Variants in OTOGL observed in about 807,000 individuals in gnomAD.
The protein encoded by OTOGL is otogelin-like protein.
Under a neutral mutation model 318.5 loss-of-function variants are expected in OTOGL, and 285 were observed. The observed-to-expected ratio is 0.89, with a 90% confidence interval of 0.81 to 0.99. The LOEUF is 0.99. Among genes scored for constraint, OTOGL ranks in the 50% least tolerant of loss-of-function variants. The pLI, the probability that OTOGL is intolerant of heterozygous loss-of-function variation, is 0.00. For missense variants in OTOGL, 2,899 were observed against 2,845.6 expected, an observed-to-expected ratio of 1.02 and a Z score of -0.43; for synonymous variants, 987 against 936.5, an observed-to-expected ratio of 1.05 and a Z score of -0.99.
At position 80,238,846 on chromosome 12, in the gene OTOGL, A is replaced by G; in HGVS notation, c.818-5A>G. 1 of 1,528,376 alleles carries G rather than the reference A, an allele frequency of 6.5e-7. No homozygotes were observed. The highest frequency in any genetic ancestry group is 8.7e-7 in the Non-Finnish European group (1 of 1,143,752). 94.7% of individuals were successfully genotyped at this position (1,528,376 alleles called of 1,614,324 possible). ...TGTGTGTGTGTGTGTGCCTGTGTGAAATAGAGGACTATACAGAAGACATCG... is the reference window on the plus strand; with the variant it reads ...TGTGTGTGTGTGTGTGCCTGTGTGAGATAGAGGACTATACAGAAGACATCG... On this transcript the variant is annotated splice_polypyrimidine_tract_variant and splice_region_variant and intron_variant, in intron 9 of 58. Transcript: ENST00000547103.
At chr12:80,305,334 C>G (rs1385931279) in intron 28 of OTOGL, among the ~76,000 whole-genome samples, 1 of 152,088 alleles carries the variant, frequency 6.6e-6, no homozygotes, top group Admixed American at 6.6e-5. Flanking sequence ...TGCTAAGACA[C>G]TGGTAAGTGT....
chr12:80,188,850 G>A (rs1875485818), intron 1 of OTOGL, among the ~76,000 whole-genome samples: 1 of 152,106 alleles, frequency 6.6e-6, no homozygotes, highest in Non-Finnish European at 1.5e-5. Context: ...TTTGAGTAAA[G>A]TTTCCCACAG....
At chr12:80,372,168 A>G (rs1890917248) in intron 57 of OTOGL, 104 bp downstream of exon 57, 1 of 666,462 alleles carries the variant, frequency 1.5e-6, no homozygotes, top group Non-Finnish European at 2.2e-6. Flanking sequence ...ATGCAAAGAG[A>G]GAAACAAATT....
intron 26 of OTOGL, among the ~76,000 whole-genome samples, chr12:80,287,700 C>A (rs1327437706): frequency 6.6e-6 from 1 of 152,048 alleles, no homozygotes; most frequent in African/African-American, 2.4e-5. Context: ...TCTGTTTTAT[C>A]AGAGATTAGG....
intron 9 of OTOGL, among the ~76,000 whole-genome samples, chr12:80,235,152 T>G (rs530216497): frequency 4.6e-5 from 7 of 151,966 alleles, no homozygotes; most frequent in Non-Finnish European, 1.0e-4. Context: ...CAGTTCTCTG[T>G]GGTAGAGTTA....
At chr12:80,297,710 C>T (rs528225329) in intron 27 of OTOGL, among the ~76,000 whole-genome samples, 6 of 152,260 alleles carry the variant, frequency 3.9e-5, no homozygotes, top group African/African-American at 1.4e-4. Context: ...TCCCACTGCT[C>T]CCCCAAGGCC....
intron 52 of OTOGL, among the ~76,000 whole-genome samples, chr12:80,364,952 C>A (rs1316631716): frequency 1.3e-5 from 2 of 151,958 alleles, no homozygotes; most frequent in Non-Finnish European, 2.9e-5. Context: ...ATATAAATAA[C>A]CCTCCATGTA....
At chr12:80,289,838 G>A (rs1225698713) in intron 26 of OTOGL, among the ~76,000 whole-genome samples, 5 of 152,282 alleles carry the variant, frequency 3.3e-5, no homozygotes, top group South Asian at 2.1e-4. Flanking sequence ...GGGCTCCATG[G>A]GGGTGGGACC....
At position 80,295,157 on chromosome 12, in the gene OTOGL, C is replaced by CTTTTTTTTT. The variant is rs66786755; in HGVS notation, c.2929-1649_2929-1641dup. Among the ~76,000 whole-genome samples the CTTTTTTTTT allele has an allele frequency of 1.8e-3, 179 of 98,908 alleles. 15 individuals carry two copies. The highest frequency in any genetic ancestry group is 4.9e-3 in the African/African-American group (101 of 20,622). The allele number at this position is 98,908 out of a possible 152,430, so 64.9% of individuals were successfully genotyped here. ...AAACACAAACTGTATGATTGCCGAA[C>CTTTTTTTTT]TTTTTTTTTTTTTTTTTTTTTTTTT... On this transcript the variant is annotated intron_variant, in intron 26 of 58. Coordinates refer to ENST00000547103, the MANE Select transcript of OTOGL (RefSeq NM_001378609.3).
At chr12:80,110,154 G>A (rs995468152) in intron 1 of OTOGL, among the ~76,000 whole-genome samples, 14 of 143,058 alleles carry the variant, frequency 9.8e-5, no homozygotes, top group South Asian at 4.3e-4. Flanking sequence ...TACAAGCTTC[G>A]TCTCCCAGGT....
intron 3 of OTOGL, among the ~76,000 whole-genome samples, chr12:80,211,412 G>C (rs1877243703): frequency 6.6e-6 from 1 of 151,972 alleles, no homozygotes; most frequent in African/African-American, 2.4e-5. Context: ...AATGTTTATT[G>C]ATAAATATAA....
intron 18 of OTOGL, among the ~76,000 whole-genome samples, chr12:80,260,145 T>C (rs982841190): frequency 3.3e-5 from 5 of 152,112 alleles, no homozygotes; most frequent in African/African-American, 1.2e-4. Flanking sequence ...GAATGTTTAG[T>C]GGGGCATCAG....
intron 8 of OTOGL, among the ~76,000 whole-genome samples, chr12:80,232,435 C>G (rs2137402370): frequency 6.6e-6 from 1 of 152,210 alleles, no homozygotes; most frequent in East Asian, 1.9e-4. Context: ...TCAGAAAACT[C>G]AAGCATCATG....
At chr12:80,207,574 A>C (rs972813347) in intron 1 of OTOGL, among the ~76,000 whole-genome samples, 2 of 152,172 alleles carry the variant, frequency 1.3e-5, no homozygotes, top group Admixed American at 1.3e-4. Flanking sequence ...ATAATCCTGA[A>C]GTATGATTTA....
At position 80,358,847 on chromosome 12, in the gene OTOGL, T is replaced by A. The variant is rs1890072101; in HGVS notation, c.6227-13T>A. On this transcript the variant is annotated splice_polypyrimidine_tract_variant and intron_variant, in intron 51 of 58. Coordinates refer to ENST00000547103, the MANE Select transcript of OTOGL (RefSeq NM_001378609.3). The stretch of plus-strand genomic sequence containing the variant: ...TTTTGATCAATGTAAATATGTTGAT[T>A]TTTGCCTTTTAGAATGTAACTGTGA... 1 of 1,528,206 alleles carries A rather than the reference T, an allele frequency of 6.5e-7. No individual in the cohort carries two copies. Among genetic ancestry groups the A allele is most frequent in the Non-Finnish European group, 8.8e-7 (1 of 1,134,066 alleles). 94.7% of individuals were successfully genotyped at this position (1,528,206 alleles called of 1,614,324 possible).
In OTOGL at chr12:80,266,610, T is replaced by C; in HGVS notation, c.2384T>C (p.Val795Ala). 6.2e-7 allele frequency: 1 copy of C among 1,613,072 alleles called. No homozygotes were observed. The highest frequency in any genetic ancestry group is 1.7e-5 in the Admixed American group (1 of 59,852). Residue 795 changes from valine (V) to alanine (A), a missense_variant, in exon 21 of 59, where the codon GTA becomes GCA. Val to Ala is a moderately conservative substitution (Grantham distance 64). Coordinates refer to ENST00000547103, the MANE Select transcript of OTOGL (RefSeq NM_001378609.3). ...TATGAAGACACTCTTAACTTTTGTG[T>C]ACCCATGTAAGTCGTAGAAACAGGT... Reference protein sequence around the residue: ...KFYEDTLNFCVPIFHCRCHYR... With the variant: ...KFYEDTLNFCAPIFHCRCHYR...
intron 16 of OTOGL, among the ~76,000 whole-genome samples, chr12:80,255,623 T>C (rs1881966363): frequency 6.6e-6 from 1 of 151,932 alleles, no homozygotes. Context: ...TTTGAACTGG[T>C]TTCATAGCAT....
chr12:80,260,917 G>A (rs1273930815), intron 18 of OTOGL, among the ~76,000 whole-genome samples: 4 of 152,088 alleles, frequency 2.6e-5, no homozygotes, highest in Non-Finnish European at 5.9e-5. Context: ...CAATTACTTT[G>A]AGTCTCACTG....
At chr12:80,224,280 A>G (rs2137367067) in intron 7 of OTOGL, among the ~76,000 whole-genome samples, 2 of 151,620 alleles carry the variant, frequency 1.3e-5, no homozygotes, top group Admixed American at 1.3e-4. Context: ...GTTCTATATG[A>G]CTGTTTTAAT....
Sources: allele counts gnomAD v4.1 joint callset (sites outside exome capture counted in the v4.1 genomes callset), GRCh38; gene constraint gnomAD v4.1.1; transcripts MANE v1.5; gene names NCBI Gene and HGNC (gene_info 2026-07-23, HGNC 2026-07-21).